Variants in ZNF385B observed in about 807,000 individuals in gnomAD.
ZNF385B encodes zinc finger protein 533.
Under a neutral mutation model 39.2 loss-of-function variants are expected in ZNF385B, and 23 were observed. The observed-to-expected ratio is 0.59, with a 90% CI of 0.42 to 0.83. The LOEUF is 0.83. ZNF385B is among the 40% of genes least tolerant of loss of function. The probability of loss-of-function intolerance (pLI) is 0.00; values close to 1 mark genes in which losing one functional copy is unlikely to be tolerated. For synonymous variants in ZNF385B, 205 were observed against 222.6 expected, an observed-to-expected ratio of 0.92 and a Z score of 0.70; for missense variants, 552 against 598.9, an observed-to-expected ratio of 0.92 and a Z score of 0.82.
At chr2:179,734,704 T>C (rs1701627266) in intron 3 of ZNF385B, among the ~76,000 whole-genome samples, 1 of 152,162 alleles carries the variant, frequency 6.6e-6, no homozygotes, top group Non-Finnish European at 1.5e-5. Flanking sequence ...AAAGTACTCA[T>C]ATACTAACAG....
chr2:179,687,422 T>C (rs536036799), intron 3 of ZNF385B, among the ~76,000 whole-genome samples: 2 of 152,262 alleles, frequency 1.3e-5, no homozygotes, highest in Admixed American at 1.3e-4. Context: ...CAAATTTCTC[T>C]ATTTCAATTA....
chr2:179,800,801 C>T (rs899477485), intron 1 of ZNF385B, among the ~76,000 whole-genome samples: 13 of 152,052 alleles, frequency 8.5e-5, no homozygotes, highest in African/African-American at 2.4e-4. Flanking sequence ...TACATCATCT[C>T]TTCTTTAATG....
intron 3 of ZNF385B, among the ~76,000 whole-genome samples, chr2:179,545,540 T>C (rs2060178972): frequency 1.3e-5 from 2 of 152,068 alleles, no homozygotes; most frequent in African/African-American, 4.8e-5. Flanking sequence ...AAATGGGTAG[T>C]CTAGACATTG....
chr2:179,756,468 C>G (rs1249935723), intron 3 of ZNF385B, among the ~76,000 whole-genome samples: 3 of 152,082 alleles, frequency 2.0e-5, no homozygotes, highest in Non-Finnish European at 2.9e-5. Context: ...TGGAGTTGCT[C>G]TTCTCAAGGA....
chr2:179,447,551 G>A (rs1381449580), intron 6 of ZNF385B, among the ~76,000 whole-genome samples: 1 of 152,158 alleles, frequency 6.6e-6, no homozygotes, highest in East Asian at 1.9e-4. Context: ...CTAACTCATT[G>A]AAGTTCATTT....
At chr2:179,724,769 A>T (rs980835748) in intron 3 of ZNF385B, among the ~76,000 whole-genome samples, 3 of 152,230 alleles carry the variant, frequency 2.0e-5, no homozygotes, top group African/African-American at 7.2e-5. Context: ...ACTCTTTAAG[A>T]CAAATTCTAA....
At chr2:179,803,401 T>G (rs897925234) in intron 1 of ZNF385B, among the ~76,000 whole-genome samples, 2 of 152,208 alleles carry the variant, frequency 1.3e-5, no homozygotes, top group Non-Finnish European at 2.9e-5. Flanking sequence ...CCATTTTTAC[T>G]AGTGCATGAC....
chr2:179,465,099 C>CA (rs2051836914), intron 6 of ZNF385B, among the ~76,000 whole-genome samples: 1 of 152,078 alleles, frequency 6.6e-6, no homozygotes, highest in African/African-American at 2.4e-5. Context: ...TTGAACTGGA[C>CA]ATGATTTTTT....
chr2:179,603,935 G>C (rs1688603770), intron 3 of ZNF385B, among the ~76,000 whole-genome samples: 1 of 152,100 alleles, frequency 6.6e-6, no homozygotes, highest in South Asian at 2.1e-4. Flanking sequence ...GATATATTAG[G>C]ATTTTCACAG....
chr2:179,486,453 T>C (rs1326088109), intron 5 of ZNF385B, among the ~76,000 whole-genome samples: 3 of 152,256 alleles, frequency 2.0e-5, no homozygotes, highest in African/African-American at 7.2e-5. Flanking sequence ...GTTAATGTTA[T>C]AATTTTATTA....
intron 1 of ZNF385B, among the ~76,000 whole-genome samples, chr2:179,811,006 A>G (rs1477455330): frequency 6.6e-6 from 1 of 152,138 alleles, no homozygotes; most frequent in Non-Finnish European, 1.5e-5. Context: ...ATTTCTATAC[A>G]TCAATAATGT....
chr2:179,466,948 A>G (rs1574285372), intron 6 of ZNF385B, among the ~76,000 whole-genome samples: 17 of 125,946 alleles, frequency 1.3e-4, no homozygotes, highest in Middle Eastern at 3.9e-3. Flanking sequence ...AAAAAAAGAG[A>G]GAGAGAAAGG....
intron 1 of ZNF385B, among the ~76,000 whole-genome samples, chr2:179,806,573 C>A (rs1170584893): frequency 6.6e-6 from 1 of 152,150 alleles, no homozygotes; most frequent in Non-Finnish European, 1.5e-5. Context: ...TTTTTACACC[C>A]CACTTATCAC....
At chr2:179,730,478 G>T (rs1174256392) in intron 3 of ZNF385B, among the ~76,000 whole-genome samples, 1 of 152,062 alleles carries the variant, frequency 6.6e-6, no homozygotes, top group African/African-American at 2.4e-5. Flanking sequence ...ATAAACTTTA[G>T]TTCTTCCTAT....
rs1481647659 is a variant in ZNF385B at position 179,769,652 on chromosome 2, A to G, written c.149T>C (p.Phe50Ser). Residue 50 changes from phenylalanine to serine, a missense_variant, in exon 3 of 10, where the codon TTC (phenylalanine) becomes TCC (serine). Transcript: ENST00000410066. ...SKEKKKILFSFCEVCNIQLNS... is the reference protein window; with the variant it reads ...SKEKKKILFSSCEVCNIQLNS... Reference sequence around the variant, plus strand: ...CAGCTGGATGTTGCACACCTCACAGAAGGAGAAAAGAATTTTCTTTTTCTC... The same window carrying G: ...CAGCTGGATGTTGCACACCTCACAGGAGGAGAAAAGAATTTTCTTTTTCTC... 6.2e-7 allele frequency: 1 copy of G among 1,614,156 alleles called. No individual in the cohort carries two copies. Among genetic ancestry groups the G allele is most frequent in the African/African-American group, 1.3e-5 (1 of 75,024 alleles).
At chr2:179,662,214 T>C (rs183964925) in intron 3 of ZNF385B, among the ~76,000 whole-genome samples, 4 of 152,316 alleles carry the variant, frequency 2.6e-5, no homozygotes, top group Admixed American at 2.6e-4. Context: ...AAAGTTTGCC[T>C]ATCACAGGCC....
chr2:179,744,518 C>T (rs1328502123), intron 3 of ZNF385B, among the ~76,000 whole-genome samples: 1 of 151,994 alleles, frequency 6.6e-6, no homozygotes, highest in South Asian at 2.1e-4. Flanking sequence ...TGGGACTTGC[C>T]GAGACAGATT....
intron 3 of ZNF385B, among the ~76,000 whole-genome samples, chr2:179,631,952 A>T (rs568465500): frequency 6.6e-6 from 1 of 152,204 alleles, no homozygotes; most frequent in East Asian, 1.9e-4. Flanking sequence ...AAAGAAGGCC[A>T]ACACATAATG....
intron 3 of ZNF385B, among the ~76,000 whole-genome samples, chr2:179,769,025 T>C (rs1703861346): frequency 6.6e-6 from 1 of 152,184 alleles, no homozygotes; most frequent in African/African-American, 2.4e-5. Context: ...TAAAAGAATA[T>C]GACAAGTTTA....
Sources: allele counts gnomAD v4.1 joint callset (sites outside exome capture counted in the v4.1 genomes callset), GRCh38; gene constraint gnomAD v4.1.1; transcripts MANE v1.5; gene names NCBI Gene and HGNC (gene_info 2026-07-23, HGNC 2026-07-21).